The following ACSL1 variants were observed in gnomAD, a reference collection of about 807,000 sequenced individuals.
ACSL1 encodes long-chain-fatty-acid--CoA ligase 1.
Under a neutral mutation model 98.4 loss-of-function variants are expected in ACSL1, and 41 were observed. The observed-to-expected ratio is 0.42, with a 90% CI of 0.32 to 0.54. The LOEUF is 0.54. Ranked by LOEUF, ACSL1 falls within the 20% of genes least tolerant of loss-of-function variation. The probability of loss-of-function intolerance (pLI) is 0.13; values close to 1 mark genes in which losing one functional copy is unlikely to be tolerated. For synonymous variants in ACSL1, 316 were observed against 322.7 expected (o/e 0.98, Z 0.22); for missense variants, 734 against 883.1 (o/e 0.83, Z 2.14).
rs1190436997 is a variant in ACSL1, at chr4:184,763,248, A to C, written c.1440T>G (p.Val480=). ...TCAAATTGCACGGCATCGGGGCCCCAACATGGCCTGTATATTAAATAAGCA... is the reference window on the plus strand; with the variant it reads ...TCAAATTGCACGGCATCGGGGCCCCCACATGGCCTGTATATTAAATAAGCA... ...TMPGDWTAGH[V]GAPMPCNLIK... is the part of the protein sequence containing the mutation. Residue 480 remains valine, a synonymous_variant, in exon 16 of 21, where the codon GTT becomes GTG. Coordinates refer to ENST00000281455, the MANE Select transcript of ACSL1 (RefSeq NM_001995.5). The C allele has an allele frequency of 6.2e-7, 1 of 1,613,936 alleles. No individual in the cohort carries two copies. The highest frequency in any genetic ancestry group is 8.5e-7 in the Non-Finnish European group (1 of 1,179,996).
At chr4:184,758,139 G>A in intron 18 of ACSL1, 2 of 508,226 alleles carry the variant, frequency 3.9e-6, no homozygotes, top group Non-Finnish European at 6.9e-6. Flanking sequence ...TGCAATTAAT[G>A]TTTTTAAAAA....
intron 10 of ACSL1, among the ~76,000 whole-genome samples, chr4:184,771,016 C>A (rs1193057777): frequency 2.0e-5 from 3 of 152,112 alleles, no homozygotes; most frequent in African/African-American, 7.2e-5. Context: ...TCCAGCTACT[C>A]AGGAGGCTGA....
At chr4:184,797,760 C>G (rs1006374912) in intron 2 of ACSL1, among the ~76,000 whole-genome samples, 1 of 152,170 alleles carries the variant, frequency 6.6e-6, no homozygotes, top group Non-Finnish European at 1.5e-5. Context: ...ACAAGGGGTC[C>G]GAGCGGTACT....
At chr4:184,786,758 A>G (rs1767440671) in intron 3 of ACSL1, among the ~76,000 whole-genome samples, 1 of 148,314 alleles carries the variant, frequency 6.7e-6, no homozygotes, top group African/African-American at 2.5e-5. Context: ...CAATGGTGCA[A>G]TCCTGGCTCA....
At position 184,803,189 on chromosome 4, in the gene ACSL1, G is replaced by T; in HGVS notation, c.195+131C>A. On this transcript the variant is annotated intron_variant, in intron 2 of 20. Transcript: ENST00000281455. This position sits in a 1 kb window ranked among gnomAD's most constrained non-coding sequence, Gnocchi z 4.8. Reference sequence around the variant, plus strand: ...CTCTATTTACCACCATCAGTAATTTGGCACATTTCCATTTACAAAGTGCAG... The same window carrying T: ...CTCTATTTACCACCATCAGTAATTTTGCACATTTCCATTTACAAAGTGCAG... 2 of 947,872 alleles carry T rather than the reference G, an allele frequency of 2.1e-6. No homozygotes were observed. The highest frequency in any genetic ancestry group is 3.0e-6 in the Non-Finnish European group (2 of 668,730). 58.7% of individuals were successfully genotyped at this position (947,872 alleles called of 1,614,324 possible). A position where few individuals can be genotyped will look rare whatever the true frequency, so the allele number is the denominator to read the frequency against.
intron 1 of ACSL1, among the ~76,000 whole-genome samples, chr4:184,819,523 T>C (rs1272088813): frequency 2.0e-5 from 3 of 152,030 alleles, no homozygotes; most frequent in Non-Finnish European, 1.5e-5. Context: ...ATCTTAGCTA[T>C]AGGATCAAAG....
intron 12 of ACSL1, 88 bp downstream of exon 12, chr4:184,768,227 CA>C (rs1579849225): frequency 1.4e-6 from 2 of 1,398,448 alleles, no homozygotes; most frequent in Admixed American, 2.5e-5. Flanking sequence ...CAGGGTCATA[CA>C]GATGGCACAT....
At chr4:184,762,193 C>T (rs1405012831) in intron 17 of ACSL1, among the ~76,000 whole-genome samples, 4 of 151,972 alleles carry the variant, frequency 2.6e-5, no homozygotes, top group Non-Finnish European at 4.4e-5. Flanking sequence ...AAAACATATT[C>T]GCTGAAGTGA....
intron 1 of ACSL1, chr4:184,813,577 C>T: frequency 8.0e-6 from 2 of 250,378 alleles, no homozygotes; most frequent in South Asian, 8.1e-5. Flanking sequence ...GTCTCTATGA[C>T]CGCAAGTTGA....
intron 12 of ACSL1, among the ~76,000 whole-genome samples, chr4:184,767,715 A>G (rs913117220): frequency 6.6e-6 from 1 of 152,244 alleles, no homozygotes; most frequent in Non-Finnish European, 1.5e-5. Context: ...GAGAGATAAC[A>G]AAAGTCCTGC....
chr4:184,808,284 T>C, intron 1 of ACSL1: 1 of 984,568 alleles, frequency 1.0e-6, no homozygotes, highest in South Asian at 4.7e-5. Flanking sequence ...CTGCAAACTT[T>C]TACTTACATT....
At position 184,756,374 on chromosome 4, in the gene ACSL1, G is replaced by C. The variant is rs533478151; in HGVS notation, c.*751C>G. ...ATAACCCCTGAAAAAGGATGGAGTC[G>C]GGGAATCAGGCCTGGAGAACCGAGT... On this transcript the variant is annotated 3_prime_UTR_variant, in exon 21 of 21. Transcript: ENST00000281455. The C allele has an allele frequency of 1.3e-5, 2 of 152,558 alleles. No homozygotes were observed. The highest frequency in any genetic ancestry group is 2.9e-5 in the Non-Finnish European group (2 of 68,030). The allele number at this position is 152,558 out of a possible 1,614,324, so 9.5% of individuals were successfully genotyped here.
At chr4:184,772,988 G>T in intron 10 of ACSL1, 93 bp downstream of exon 10, 1 of 1,191,062 alleles carries the variant, frequency 8.4e-7, no homozygotes, top group Non-Finnish European at 1.2e-6. Context: ...AATGCCACAT[G>T]GACCTAACAC....
intron 1 of ACSL1, among the ~76,000 whole-genome samples, chr4:184,808,090 C>A (rs931519386): frequency 2.6e-5 from 4 of 152,198 alleles, no homozygotes; most frequent in African/African-American, 9.7e-5. Flanking sequence ...TATTGTATCA[C>A]CCTGGCCTCT....
At chr4:184,767,036 C>A (rs1184691953) in intron 12 of ACSL1, among the ~76,000 whole-genome samples, 2 of 152,160 alleles carry the variant, frequency 1.3e-5, no homozygotes, top group Admixed American at 6.5e-5. Flanking sequence ...ATTCCCAGCA[C>A]TTTGGGAGGC....
rs1413266879 is a variant in ACSL1, at chr4:184,773,452, A to G, written c.841+211T>C. ...TGTCCTAGGAAGACAGGTGAATCTA[A>G]TATCACCCTCAATAAATGTTTGAGG... On this transcript the variant is annotated intron_variant, in intron 9 of 20. Coordinates refer to ENST00000281455, the MANE Select transcript of ACSL1 (RefSeq NM_001995.5). This position sits in a 1 kb window ranked among gnomAD's most constrained non-coding sequence, Gnocchi z 4.3. 1.3e-5 allele frequency among the ~76,000 whole-genome samples: 2 copies of G among 152,192 alleles called. No individual in the cohort carries two copies. The highest frequency in any genetic ancestry group is 2.9e-5 in the Non-Finnish European group (2 of 68,042).
In ACSL1 at chr4:184,788,693, G is replaced by A. The variant is rs150793409; in HGVS notation, c.234C>T (p.Ser78=). 120 of 1,614,112 alleles carry A rather than the reference G, an allele frequency of 7.4e-5. No homozygotes were observed. The African/African-American group carries it at 1.1e-3, about 15-fold the overall frequency. ...GGARRSALLD[S]DEPLVYFYDD... ...CATAGAAATACACCAAGGGCTCGTC[G>A]CTGTCAAGTAGTGCGGATCTTCGTG... is the stretch of plus-strand genomic sequence containing the variant. Residue 78 remains serine (S), a synonymous_variant, in exon 3 of 21, where the codon AGC becomes AGT. Transcript: ENST00000281455.
Position 184,763,390 on chromosome 4 carries a change from A to G in ACSL1, c.1433-135T>C, listed in dbSNP as rs2150278037. The G allele has an allele frequency of 1.1e-5, 8 of 761,006 alleles. No homozygotes were observed. The East Asian group carries it at 2.2e-4, about 21-fold the overall frequency. 47.1% of individuals were successfully genotyped at this position (761,006 alleles called of 1,614,324 possible). On this transcript the variant is annotated intron_variant, in intron 15 of 20. Transcript: ENST00000281455. Reference sequence around the variant, plus strand: ...ACTTCTGATTTCTGCAATTACAGCCATTCTCTTCCTAGTATAATTTAAGAG... The same window carrying G: ...ACTTCTGATTTCTGCAATTACAGCCGTTCTCTTCCTAGTATAATTTAAGAG...
intron 7 of ACSL1, among the ~76,000 whole-genome samples, chr4:184,775,888 A>G (rs999497584): frequency 6.6e-5 from 10 of 152,212 alleles, no homozygotes; most frequent in African/African-American, 2.2e-4. Flanking sequence ...TCCAAGTCCA[A>G]CTGACGGGGA....
Sources: allele counts gnomAD v4.1 joint callset (sites outside exome capture counted in the v4.1 genomes callset), GRCh38; gene constraint gnomAD v4.1.1; non-coding constraint Gnocchi (gnomAD v3.1); transcripts MANE v1.5; gene names NCBI Gene and HGNC (gene_info 2026-07-23, HGNC 2026-07-21).